PDE1C: variants seen among roughly 807,000 people sequenced by gnomAD.
PDE1C encodes dual specificity calcium/calmodulin-dependent 3',5'-cyclic nucleotide phosphodiesterase 1C.
A neutral mutation model predicts 93.1 loss-of-function variants in PDE1C; 62 were observed. That is an observed-to-expected ratio of 0.67 (90% CI 0.54 to 0.82). PDE1C has a LOEUF of 0.82. Ranked by LOEUF, PDE1C falls within the 40% of genes least tolerant of loss-of-function variation. PDE1C has a pLI of 0.00. For synonymous variants in PDE1C, 325 were observed against 310.1 expected (o/e 1.05, Z -0.50); for missense variants, 742 against 884.6 (o/e 0.84, Z 2.04).
chr7:32,316,507 C>T (rs966510303), intron 1 of PDE1C, among the ~76,000 whole-genome samples: 9 of 152,142 alleles, frequency 5.9e-5, no homozygotes, highest in African/African-American at 1.9e-4. Flanking sequence ...GCATAATCAC[C>T]ATACACGGCA....
At chr7:31,857,433 C>G (rs1214559031) in intron 7 of PDE1C, among the ~76,000 whole-genome samples, 1 of 152,128 alleles carries the variant, frequency 6.6e-6, no homozygotes, top group African/African-American at 2.4e-5. Context: ...CTGGATAGCT[C>G]TTTAAAAGTG....
chr7:32,359,259 T>A (rs1386644332), intron 1 of PDE1C, among the ~76,000 whole-genome samples: 1 of 152,202 alleles, frequency 6.6e-6, no homozygotes, highest in Admixed American at 6.5e-5. Flanking sequence ...CGTTTTTCCA[T>A]GTTGTATTCA....
At chr7:31,771,917 G>A (rs1016904638) in intron 17 of PDE1C, among the ~76,000 whole-genome samples, 1 of 151,940 alleles carries the variant, frequency 6.6e-6, no homozygotes, top group African/African-American at 2.4e-5. Flanking sequence ...GTGGTGGTGG[G>A]TGCCTGTAGT....
intron 4 of PDE1C, among the ~76,000 whole-genome samples, chr7:31,878,433 C>T (rs188410283): frequency 6.6e-6 from 1 of 152,124 alleles, no homozygotes; most frequent in Non-Finnish European, 1.5e-5. Flanking sequence ...CTGTCAAAAA[C>T]AAGAAGGAAA....
Position 31,824,999 on chromosome 7 carries a change from C to T in PDE1C, c.1286-12G>A, listed in dbSNP as rs901156254. 2 of 1,612,892 alleles carry T rather than the reference C, an allele frequency of 1.2e-6. No homozygotes were observed. The highest frequency in any genetic ancestry group is 1.7e-6 in the Non-Finnish European group (2 of 1,179,258). ...GAAATCAATGAAACCTGAAGAGAAA[C>T]AGCAATGCTTCAGAGGAACCACATA... is the stretch of plus-strand genomic sequence containing the variant. On this transcript the variant is annotated splice_polypyrimidine_tract_variant and intron_variant, in intron 12 of 17. Transcript: ENST00000396191.
chr7:31,635,778 G>C, the PDE1C span, among the ~76,000 whole-genome samples: 1 of 151,984 alleles, frequency 6.6e-6, no homozygotes, highest in African/African-American at 2.4e-5. Flanking sequence ...CTTGTAAGGG[G>C]AGGGCGGGGG....
rs553288032 is a variant in PDE1C at position 32,081,761 on chromosome 7, G to C, written c.308+88024C>G. ...TGCCTTCCATAGTGAAATCTAACTT[G>C]GTTAAGGATTTATTGATAGAGGGCT... On this transcript the variant is annotated intron_variant, in intron 3 of 18. Coordinates refer to the PDE1C transcript ENST00000396193. Among the ~76,000 whole-genome samples the C allele has an allele frequency of 2.0e-5, 3 of 152,318 alleles. No individual in the cohort carries two copies. The South Asian group carries it at 6.2e-4, about 32-fold the overall frequency.
chr7:32,200,754 T>C (rs1306836018), intron 2 of PDE1C, among the ~76,000 whole-genome samples: 1 of 152,138 alleles, frequency 6.6e-6, no homozygotes, highest in Admixed American at 6.5e-5. Flanking sequence ...AGTCACATCA[T>C]ATCATCTCTG....
intron 2 of PDE1C, among the ~76,000 whole-genome samples, chr7:31,954,513 G>C (rs6977198): frequency 0.099 from 15,105 of 152,158 alleles, 958 homozygotes; most frequent in Admixed American, 0.21. Flanking sequence ...TTTTAATTTT[G>C]ATGTGCTTTT....
rs115973537 is a variant in PDE1C at position 32,045,865 on chromosome 7, G to C, written c.128+5689C>G. ...CCACTCGCCTTCCCTCCCTTCACAT[G>C]TGACAATCTATTATTACCAGCAAAG... On this transcript the variant is annotated intron_variant, in intron 2 of 17. Coordinates refer to ENST00000396191, the MANE Select transcript of PDE1C (RefSeq NM_001191057.4). Among the ~76,000 whole-genome samples the C allele has an allele frequency of 1.7e-3, 254 of 152,242 alleles. 2 individuals are homozygous for C. Among genetic ancestry groups the C allele is most frequent in the African/African-American group, 5.7e-3 (237 of 41,544 alleles).
At chr7:32,359,488 CTT>C (rs1427799226) in intron 1 of PDE1C, among the ~76,000 whole-genome samples, 1 of 152,188 alleles carries the variant, frequency 6.6e-6, no homozygotes, top group African/African-American at 2.4e-5. Flanking sequence ...AGGCAGGAGA[CTT>C]TGCCTGCCTT....
chr7:31,790,516 T>G (rs138650718), intron 16 of PDE1C, among the ~76,000 whole-genome samples: 87 of 152,278 alleles, frequency 5.7e-4, no homozygotes, highest in African/African-American at 2.0e-3. Flanking sequence ...TTAGCAAACA[T>G]TTGGTCATGC....
At chr7:31,864,617 G>C (rs1179378946) in intron 7 of PDE1C, among the ~76,000 whole-genome samples, 1 of 152,156 alleles carries the variant, frequency 6.6e-6, no homozygotes, top group Admixed American at 6.5e-5. Context: ...CATTGTTATT[G>C]ACCATAGCAA....
intron 1 of PDE1C, among the ~76,000 whole-genome samples, chr7:32,368,575 T>C (rs530538733): frequency 6.6e-6 from 1 of 152,316 alleles, no homozygotes; most frequent in South Asian, 2.1e-4. Flanking sequence ...ATGACCATAG[T>C]ACTCAAAGCA....
the PDE1C span, among the ~76,000 whole-genome samples, chr7:31,713,825 A>T: frequency 2.0e-5 from 3 of 152,092 alleles, no homozygotes; most frequent in African/African-American, 7.2e-5. Flanking sequence ...CTTTTTAATC[A>T]TGGCTGGAGA....
chr7:32,329,252 C>T (rs1236570962), intron 1 of PDE1C, among the ~76,000 whole-genome samples: 1 of 152,080 alleles, frequency 6.6e-6, no homozygotes, highest in Non-Finnish European at 1.5e-5. Flanking sequence ...TAGTATCTCT[C>T]TCGGGGAGAC....
At chr7:31,759,631 C>T (rs1352666335) in intron 17 of PDE1C, among the ~76,000 whole-genome samples, 1 of 152,158 alleles carries the variant, frequency 6.6e-6, no homozygotes, top group Non-Finnish European at 1.5e-5. Context: ...GGAAAATTAT[C>T]TATATTACTT....
rs2128953616 is a variant in PDE1C, at chr7:31,918,443, T to G, written c.129-37583A>C. Among the ~76,000 whole-genome samples, 2 of 152,284 alleles carry G rather than the reference T, an allele frequency of 1.3e-5. 1 individual carries two copies. The highest frequency in any genetic ancestry group is 4.1e-4 in the South Asian group (2 of 4,822). On this transcript the variant is annotated intron_variant, in intron 2 of 17. Transcript: ENST00000396191. ...GAAGACCCAAGTGATTTCTCCTTCA[T>G]CCCAGAGCAAAGAGGGAGAAAGAGC...
the PDE1C span, among the ~76,000 whole-genome samples, chr7:31,717,710 A>T: frequency 6.6e-6 from 1 of 152,218 alleles, no homozygotes; most frequent in African/African-American, 2.4e-5. Context: ...TTCTGGAGCT[A>T]GATATGCCTA....
Sources: allele counts gnomAD v4.1 joint callset (sites outside exome capture counted in the v4.1 genomes callset), GRCh38; gene constraint gnomAD v4.1.1; transcripts MANE v1.5; gene names NCBI Gene and HGNC (gene_info 2026-07-23, HGNC 2026-07-21).